ANHX: variants seen among roughly 807,000 people sequenced by gnomAD.
The protein encoded by ANHX is anomalous homeobox.
Under a neutral mutation model 38.9 loss-of-function variants are expected in ANHX, and 20 were observed. The ratio of observed to expected loss-of-function variants is 0.51; its 90% CI spans 0.36 to 0.75. The LOEUF is 0.75. Among genes scored for constraint, ANHX ranks in the 30% least tolerant of loss-of-function variants. ANHX has a pLI of 0.00. For missense variants in ANHX, 475 were observed against 493.1 expected, an observed-to-expected ratio of 0.96 and a Z score of 0.35; for synonymous variants, 185 against 203.1, an observed-to-expected ratio of 0.91 and a Z score of 0.76.
intron 7 of ANHX, among the ~76,000 whole-genome samples, chr12:133,223,191 A>G (rs1462662968): frequency 6.7e-6 from 1 of 149,728 alleles, no homozygotes; most frequent in African/African-American, 2.5e-5. Context: ...CTCCGCCTCA[A>G]AAAAAAATAT....
intron 9 of ANHX, 31 bp downstream of exon 9, chr12:133,219,252 G>A (rs1411735261): frequency 6.6e-7 from 1 of 1,511,766 alleles, no homozygotes; most frequent in Non-Finnish European, 8.9e-7. Context: ...AGTAAAGAGG[G>A]AATCCTTCAG....
In ANHX at chr12:133,218,834, G is replaced by A; in HGVS notation, c.*51C>T. 1 of 1,371,676 alleles carries A rather than the reference G, an allele frequency of 7.3e-7. No individual in the cohort carries two copies. The highest frequency in any genetic ancestry group is 9.7e-7 in the Non-Finnish European group (1 of 1,032,856). The allele number at this position is 1,371,676 out of a possible 1,614,324, so 85.0% of individuals were successfully genotyped here. A position where few individuals can be genotyped will look rare whatever the true frequency, so the allele number is the denominator to read the frequency against. ...TGTAACTCCTTGTGTTGACCAGGCA[G>A]ACCATCCACACCCGCTCCTCCTGGG... On this transcript the variant is annotated 3_prime_UTR_variant, in exon 10 of 10. Transcript: ENST00000545940.
In ANHX at chr12:133,233,961, C is replaced by T. The variant is rs1025531193; in HGVS notation, c.249+147G>A. 3.9e-6 allele frequency: 4 copies of T among 1,027,324 alleles called. No individual in the cohort carries two copies. The African/African-American group carries it at 4.9e-5, about 12-fold the overall frequency. The allele number at this position is 1,027,324 out of a possible 1,614,324, so 63.6% of individuals were successfully genotyped here. ...AGTAAGGTTACATAAAACCTGCCTC[C>T]CAGGTTTTTCCAAGGCCTGGGGGTG... On this transcript the variant is annotated intron_variant, in intron 2 of 9. Transcript: ENST00000545940.
intron 7 of ANHX, among the ~76,000 whole-genome samples, chr12:133,224,751 G>A (rs1458858926): frequency 2.7e-5 from 4 of 150,594 alleles, no homozygotes; most frequent in Admixed American, 1.3e-4. Context: ...GGATCATGAG[G>A]TCAGGAGATC....
At position 133,224,993 on chromosome 12, in the gene ANHX, AAG is replaced by A. The variant is rs1957170882; in HGVS notation, c.1132+541_1132+542del. Among the ~76,000 whole-genome samples the A allele has an allele frequency of 2.6e-5, 4 of 152,092 alleles. No individual in the cohort carries two copies. The South Asian group carries it at 8.3e-4, about 32-fold the overall frequency. On this transcript the variant is annotated intron_variant, in intron 7 of 9. Coordinates refer to ENST00000545940, the MANE Select transcript of ANHX (RefSeq NM_001372060.1). ...AAAAAAAAAACAAAAACAAAAAAGA[AAG>A]AAAGAAATTTGGGTGAATTCATAGC...
intron 7 of ANHX, among the ~76,000 whole-genome samples, chr12:133,224,251 A>G (rs915917451): frequency 3.3e-5 from 5 of 151,530 alleles, no homozygotes; most frequent in Non-Finnish European, 5.9e-5. Flanking sequence ...ATGCTGGAAG[A>G]TGTTAAAAAT....
Position 133,234,345 on chromosome 12 carries a change from G to A in ANHX, c.12C>T (p.Phe4=), listed in dbSNP as rs1957332121. 9.8e-6 allele frequency: 15 copies of A among 1,535,588 alleles called. No homozygotes were observed. Among genetic ancestry groups the A allele is most frequent in the Non-Finnish European group, 1.3e-5 (15 of 1,146,620 alleles). Residue 4 remains phenylalanine, a synonymous_variant, in exon 2 of 10, where the codon TTC becomes TTT. Coordinates refer to ENST00000545940, the MANE Select transcript of ANHX (RefSeq NM_001372060.1). MQS[F]LTLLKEHEDT... ...CCTCATGCTCCTTCAGCAGAGTCAG[G>A]AAGCTCTGCATCCTGTGCTGGGTCG...
At chr12:133,224,791 C>T (rs555076451) in intron 7 of ANHX, among the ~76,000 whole-genome samples, 234 of 150,598 alleles carry the variant, frequency 1.6e-3, no homozygotes, top group African/African-American at 5.2e-3. Context: ...GGGTGAAACC[C>T]CGTCTCTACT....
chr12:133,226,345 T>C lies in ANHX; in HGVS notation c.812A>G (p.Glu271Gly). The change falls in exon 6 of 10, where the codon GAG (glutamate) becomes GGG (glycine). Residue 271 changes from glutamate (E) to glycine (G), a missense_variant. Coordinates refer to ENST00000545940, the MANE Select transcript of ANHX (RefSeq NM_001372060.1). Reference protein sequence around the residue: ...LALAPDFPADETVSKPLDVRS... With the variant: ...LALAPDFPADGTVSKPLDVRS... ...GACATCCAGTGGCTTTGAGACTGTC[T>C]CATCTGCGGGAAAGTCCGGGGCTAA... The C allele has an allele frequency of 2.6e-6, 4 of 1,536,274 alleles. No individual in the cohort carries two copies. Among genetic ancestry groups the C allele is most frequent in the Non-Finnish European group, 2.6e-6 (3 of 1,146,924 alleles).
intron 7 of ANHX, among the ~76,000 whole-genome samples, chr12:133,224,657 C>T (rs1263411007): frequency 1.2e-5 from 1 of 84,980 alleles, no homozygotes; most frequent in African/African-American, 5.4e-5. Context: ...ACCAAGACTC[C>T]ATCTCAAAAA....
Position 133,231,061 on chromosome 12 carries a change from G to A in ANHX, c.377+456C>T, listed in dbSNP as rs138971974. ...CACCCTTAACTCTTTGAAAGGCCTT[G>A]CAACCCCTCAGTGGCCACCCAGAGC... On this transcript the variant is annotated intron_variant, in intron 3 of 9. Transcript: ENST00000545940. Among the ~76,000 whole-genome samples, 346 of 152,276 alleles carry A rather than the reference G, an allele frequency of 2.3e-3. 1 individual carries two copies. Among genetic ancestry groups the A allele is most frequent in the African/African-American group, 8.1e-3 (336 of 41,548 alleles).
intron 3 of ANHX, among the ~76,000 whole-genome samples, chr12:133,231,058 C>T (rs2135572683): frequency 6.6e-6 from 1 of 152,298 alleles, no homozygotes; most frequent in East Asian, 1.9e-4. Context: ...TTTGAAAGGC[C>T]TTGCAACCCC....
chr12:133,222,680 G>GC (rs1957126930), intron 7 of ANHX, among the ~76,000 whole-genome samples: 1 of 152,182 alleles, frequency 6.6e-6, no homozygotes, highest in African/African-American at 2.4e-5. Context: ...CTCCTGAGGC[G>GC]CGAGCCCTAA....
intron 7 of ANHX, among the ~76,000 whole-genome samples, chr12:133,223,825 A>G (rs957143139): frequency 1.3e-5 from 2 of 152,054 alleles, no homozygotes; most frequent in Non-Finnish European, 2.9e-5. Flanking sequence ...CCTCAGCGTG[A>G]AATTTCAGAA....
At chr12:133,226,503 G>C in intron 5 of ANHX, 65 bp from the exon 6 acceptor site, 1 of 1,482,372 alleles carries the variant, frequency 6.7e-7, no homozygotes, top group Non-Finnish European at 8.9e-7. Context: ...CTTCCCATCA[G>C]GTATGAGCAG....
intron 3 of ANHX, among the ~76,000 whole-genome samples, chr12:133,228,622 T>C (rs1040087592): frequency 6.6e-6 from 1 of 152,172 alleles, no homozygotes; most frequent in African/African-American, 2.4e-5. Flanking sequence ...AAGCACCACC[T>C]GTGCCCCCAG....
intron 2 of ANHX, 93 bp downstream of exon 2, chr12:133,234,015 T>C: frequency 6.9e-7 from 1 of 1,458,178 alleles, no homozygotes; most frequent in South Asian, 1.4e-5. Context: ...TCCTACTAAC[T>C]CCTGGGTACT....
At position 133,218,740 on chromosome 12, in the gene ANHX, ATC is replaced by A; in HGVS notation, c.*143_*144del. ...TATTCAAACATGGCAGTGGGAAAGA[ATC>A]TCTGCTTTTCAGCAGAGCCCCCAGG... On this transcript the variant is annotated 3_prime_UTR_variant, in exon 10 of 10. Transcript: ENST00000545940. The A allele has an allele frequency of 1.9e-6, 1 of 520,748 alleles. No individual in the cohort carries two copies. The highest frequency in any genetic ancestry group is 3.2e-6 in the Non-Finnish European group (1 of 308,486). The allele number at this position is 520,748 out of a possible 1,614,324, so 32.3% of individuals were successfully genotyped here.
Position 133,231,636 on chromosome 12 carries a change from C to G in ANHX, c.258G>C (p.Gln86His), listed in dbSNP as rs1426190845. The change falls in exon 3 of 10, where the codon CAG (glutamine) becomes CAC (histidine). Residue 86 changes from glutamine (Q) to histidine (H), a missense_variant. By Grantham distance (24) the Gln-to-His change is conservative. Transcript: ENST00000545940. ...CTAACTCCTGGCTGCCTCCCGGCAC[C>G]TGGCACCCCTGCCAAGAAGAGTGTA... is the stretch of plus-strand genomic sequence containing the variant. ...QAACRLLEGC[Q>H]VPGGSQELVQ... The G allele has an allele frequency of 6.5e-7, 1 of 1,536,032 alleles. No homozygotes were observed. The highest frequency in any genetic ancestry group is 8.7e-7 in the Non-Finnish European group (1 of 1,146,922).
Sources: allele counts gnomAD v4.1 joint callset (sites outside exome capture counted in the v4.1 genomes callset), GRCh38; gene constraint gnomAD v4.1.1; transcripts MANE v1.5; gene names NCBI Gene and HGNC (gene_info 2026-07-23, HGNC 2026-07-21).